The following SUPT3H variants were observed in gnomAD, a reference collection of about 807,000 sequenced individuals.
SUPT3H encodes the protein transcription initiation protein SPT3 homolog.
Under a neutral mutation model 44.3 loss-of-function variants are expected in SUPT3H, and 44 were observed. The observed-to-expected ratio is 0.99, with a 90% CI of 0.78 to 1.28. The LOEUF is 1.28. SUPT3H is among the 50% of genes most tolerant of loss of function. The pLI, the probability that SUPT3H is intolerant of heterozygous loss-of-function variation, is 0.00. For synonymous variants in SUPT3H, 124 were observed against 125.6 expected (o/e 0.99, Z 0.09); for missense variants, 380 against 387.1 (o/e 0.98, Z 0.15).
chr6:44,948,330 G>A (rs1773687247), intron 9 of SUPT3H, among the ~76,000 whole-genome samples: 1 of 152,176 alleles, frequency 6.6e-6, no homozygotes, highest in South Asian at 2.1e-4. Context: ...ATAGGCATGG[G>A]CAAGGACTTC....
At chr6:45,306,929 C>T (rs888469290) in intron 2 of SUPT3H, among the ~76,000 whole-genome samples, 7 of 152,242 alleles carry the variant, frequency 4.6e-5, no homozygotes, top group Admixed American at 6.5e-5. Context: ...CCTAACACTG[C>T]GCTTTTCCAA....
At chr6:45,104,601 G>T (rs1432545088) in intron 3 of SUPT3H, among the ~76,000 whole-genome samples, 1 of 151,924 alleles carries the variant, frequency 6.6e-6, no homozygotes, top group Admixed American at 6.6e-5. Flanking sequence ...GGCTCATCTT[G>T]AATCTGTAGA....
intron 3 of SUPT3H, among the ~76,000 whole-genome samples, chr6:45,072,379 A>C (rs1794500335): frequency 6.6e-6 from 1 of 152,222 alleles, no homozygotes; most frequent in Non-Finnish European, 1.5e-5. Context: ...GACCAGTGCC[A>C]GACCATAAAC....
rs534835988 is a variant in SUPT3H at position 45,282,085 on chromosome 6, T to G, written c.101+83116A>C. 7.2e-5 allele frequency among the ~76,000 whole-genome samples: 11 copies of G among 152,310 alleles called. No homozygotes were observed. In the East Asian group the frequency reaches 1.9e-3, roughly 27 times the overall value. On this transcript the variant is annotated intron_variant, in intron 2 of 10. Transcript: ENST00000371459. Reference sequence around the variant, plus strand: ...AGGACATCCACAACAAAAGCCCATCTGTACGTCACTATCATCAAAGACCAA... The same window carrying G: ...AGGACATCCACAACAAAAGCCCATCGGTACGTCACTATCATCAAAGACCAA...
chr6:45,269,321 A>G (rs560458537), intron 2 of SUPT3H, among the ~76,000 whole-genome samples: 1 of 152,318 alleles, frequency 6.6e-6, no homozygotes, highest in Non-Finnish European at 1.5e-5. Context: ...TCATTTGTTT[A>G]ACACCATTTT....
At chr6:45,070,662 G>C (rs1257197583) in intron 3 of SUPT3H, among the ~76,000 whole-genome samples, 1 of 150,722 alleles carries the variant, frequency 6.6e-6, no homozygotes, top group Non-Finnish European at 1.5e-5. Flanking sequence ...TTGAACCTGG[G>C]AGGTGGAGGT....
chr6:45,228,992 T>A (rs1767458267), intron 2 of SUPT3H, among the ~76,000 whole-genome samples: 1 of 152,200 alleles, frequency 6.6e-6, no homozygotes, highest in African/African-American at 2.4e-5. Context: ...AAACTTTTGC[T>A]ATGATGATAA....
intron 2 of SUPT3H, among the ~76,000 whole-genome samples, chr6:45,179,911 A>G (rs1399300504): frequency 6.6e-6 from 1 of 152,190 alleles, no homozygotes; most frequent in East Asian, 1.9e-4. Context: ...CAATTAGGAA[A>G]AGAGGAAGTC....
intron 4 of SUPT3H, among the ~76,000 whole-genome samples, chr6:45,017,375 T>A (rs1319050394): frequency 1.3e-5 from 2 of 151,086 alleles, no homozygotes; most frequent in Non-Finnish European, 3.0e-5. Context: ...CAATTTTGGC[T>A]TTTGTTGCCA....
At chr6:44,946,287 TGCA>T (rs1208534543) in intron 9 of SUPT3H, among the ~76,000 whole-genome samples, 3 of 152,238 alleles carry the variant, frequency 2.0e-5, no homozygotes, top group African/African-American at 7.2e-5. Context: ...AAATCCATTC[TGCA>T]GCACAGTTCA....
At chr6:45,320,113 C>T (rs1291068425) in intron 2 of SUPT3H, among the ~76,000 whole-genome samples, 3 of 151,958 alleles carry the variant, frequency 2.0e-5, no homozygotes, top group Non-Finnish European at 4.4e-5. Flanking sequence ...ACCATAGACA[C>T]GATCTTTCAC....
At chr6:44,879,612 C>G (rs981688119) in intron 10 of SUPT3H, among the ~76,000 whole-genome samples, 1 of 149,000 alleles carries the variant, frequency 6.7e-6, no homozygotes, top group African/African-American at 2.4e-5. Context: ...GGGGCCCTGA[C>G]CCCCATGCCT....
chr6:45,290,956 C>T (rs894758991), intron 2 of SUPT3H, among the ~76,000 whole-genome samples: 2 of 152,096 alleles, frequency 1.3e-5, no homozygotes, highest in Non-Finnish European at 2.9e-5. Context: ...TGTGGAGGCT[C>T]GCATCATGAA....
intron 3 of SUPT3H, among the ~76,000 whole-genome samples, chr6:45,077,509 C>T (rs1390188111): frequency 6.6e-6 from 1 of 151,122 alleles, no homozygotes; most frequent in Non-Finnish European, 1.5e-5. Flanking sequence ...TGCCTATAGT[C>T]CCAGCTATTC....
intron 1 of SUPT3H, 103 bp from the exon 2 acceptor site, chr6:45,365,404 T>C: frequency 1.4e-6 from 1 of 737,434 alleles, no homozygotes; most frequent in Admixed American, 2.7e-5. Flanking sequence ...GTAGAGAAAA[T>C]TTAAATTTCT....
intron 3 of SUPT3H, among the ~76,000 whole-genome samples, chr6:45,062,743 CTTTT>C (rs1196808445): frequency 2.0e-5 from 3 of 152,122 alleles, no homozygotes; most frequent in Non-Finnish European, 4.4e-5. Flanking sequence ...GAATATTGCG[CTTTT>C]CACACCGGCT....
chr6:45,217,626 T>C (rs1028301047), intron 2 of SUPT3H, among the ~76,000 whole-genome samples: 2 of 152,124 alleles, frequency 1.3e-5, no homozygotes, highest in Admixed American at 1.3e-4. Context: ...ATGTGGTGGC[T>C]CACGCTGTAA....
rs533729812 is a variant in SUPT3H at position 45,342,255 on chromosome 6, T to C, written c.101+22946A>G. Among the ~76,000 whole-genome samples, 5 of 152,196 alleles carry C rather than the reference T, an allele frequency of 3.3e-5. No individual in the cohort carries two copies. In the South Asian group the frequency reaches 1.0e-3, roughly 32 times the overall value. Reference sequence around the variant, plus strand: ...AAAAAAAATAGAATACTAAGTTATATATAACACAATCTCAATTTTTTTTTT... The same window carrying C: ...AAAAAAAATAGAATACTAAGTTATACATAACACAATCTCAATTTTTTTTTT... On this transcript the variant is annotated intron_variant, in intron 2 of 10. Coordinates refer to ENST00000371459, the MANE Select transcript of SUPT3H (RefSeq NM_003599.4).
Position 44,847,871 on chromosome 6 carries a change from A to G in SUPT3H, c.913-18014T>C, listed in dbSNP as rs16872715. Reference sequence around the variant, plus strand: ...ATGTCAACCTAAGCTACTATAGACTATTGTTGGAGATGTATGGATTCCACT... The same window carrying G: ...ATGTCAACCTAAGCTACTATAGACTGTTGTTGGAGATGTATGGATTCCACT... On this transcript the variant is annotated intron_variant, in intron 10 of 10. Coordinates refer to ENST00000371459, the MANE Select transcript of SUPT3H (RefSeq NM_003599.4). 4.0e-3 allele frequency among the ~76,000 whole-genome samples: 596 copies of G among 147,338 alleles called. 7 individuals carry two copies. Among genetic ancestry groups the G allele is most frequent in the African/African-American group, 0.014 (567 of 40,154 alleles).
Sources: gnomAD v4.1 joint callset for allele counts (sites outside exome capture counted in the v4.1 genomes callset) on GRCh38, gnomAD v4.1.1 for gene constraint, MANE v1.5 for transcripts, NCBI Gene and HGNC (gene_info 2026-07-23, HGNC 2026-07-21) for gene names.